Variants in ACOX3 observed in about 807,000 individuals in gnomAD.
The protein encoded by ACOX3 is peroxisomal acyl-coenzyme A oxidase 3.
A neutral mutation model predicts 81.5 loss-of-function variants in ACOX3; 73 were observed. The ratio of observed to expected loss-of-function variants is 0.90; its 90% CI spans 0.74 to 1.09. The LOEUF is 1.09. ACOX3 is among the 50% of genes least tolerant of loss of function. ACOX3 has a pLI of 0.00. For missense variants in ACOX3, 947 were observed against 928.0 expected, an observed-to-expected ratio of 1.02 and a Z score of -0.27; for synonymous variants, 387 against 375.1, an observed-to-expected ratio of 1.03 and a Z score of -0.37.
intron 13 of ACOX3, among the ~76,000 whole-genome samples, chr4:8,388,416 G>A (rs1199906712): frequency 6.6e-6 from 1 of 152,252 alleles, no homozygotes; most frequent in African/African-American, 2.4e-5. Flanking sequence ...ATTAACCCAG[G>A]AACGCGAGAG....
intron 1 of ACOX3, among the ~76,000 whole-genome samples, chr4:8,422,240 GAGAA>G (rs1396886881): frequency 3.3e-5 from 5 of 152,080 alleles, no homozygotes; most frequent in Admixed American, 1.3e-4. Flanking sequence ...CAGTCAAAGA[GAGAA>G]AGAAAGAGAG....
At chr4:8,361,520 T>C (rs1348679991), downstream of ACOX3, among the ~76,000 whole-genome samples, 2 of 151,540 alleles carry the variant, frequency 1.3e-5, no homozygotes, top group African/African-American at 4.9e-5. Flanking sequence ...TTGTTATAAG[T>C]TAATCTTGTA....
At chr4:8,380,652 ATGTG>A (rs1717522616) in intron 14 of ACOX3, among the ~76,000 whole-genome samples, 1 of 152,150 alleles carries the variant, frequency 6.6e-6, no homozygotes, top group East Asian at 1.9e-4. Flanking sequence ...AGACAGGCAG[ATGTG>A]GACCTGGGTC....
rs867499227 is a variant in ACOX3, at chr4:8,400,505, A to T, written c.777-853T>A. 2.6e-5 allele frequency among the ~76,000 whole-genome samples: 4 copies of T among 152,150 alleles called. No individual in the cohort carries two copies. The highest frequency in any genetic ancestry group is 5.9e-5 in the Non-Finnish European group (4 of 68,030). ...GCATTGGTGCTCCCTCGGCAAGGAA[A>T]TTCACTTCTTTTGAACAGCTGAGCA... is the stretch of plus-strand genomic sequence containing the variant. On this transcript the variant is annotated intron_variant, in intron 7 of 17. Coordinates refer to ENST00000356406, the MANE Select transcript of ACOX3 (RefSeq NM_003501.3). This position sits in a 1 kb window ranked among gnomAD's most constrained non-coding sequence, Gnocchi z 4.4.
At chr4:8,373,008 A>G (rs1254228879) in intron 16 of ACOX3, among the ~76,000 whole-genome samples, 3 of 152,122 alleles carry the variant, frequency 2.0e-5, no homozygotes, top group African/African-American at 7.2e-5. Context: ...CTGTCCCCGG[A>G]TGGAAGAGAG....
intron 11 of ACOX3, among the ~76,000 whole-genome samples, chr4:8,391,019 ATGTATATGTATG>A (rs1283249426): frequency 5.6e-5 from 7 of 124,286 alleles, no homozygotes; most frequent in East Asian, 4.8e-4. Flanking sequence ...GTATGTGTAT[ATGTATATGTATG>A]TGTATATGTA....
chr4:8,396,193 C>T (rs1000660788), intron 9 of ACOX3, among the ~76,000 whole-genome samples: 2 of 152,192 alleles, frequency 1.3e-5, no homozygotes, highest in African/African-American at 4.8e-5. Flanking sequence ...TAAATGCCAT[C>T]ACAGTGAACA....
chr4:8,378,678 C>A (rs1287790210), intron 14 of ACOX3, among the ~76,000 whole-genome samples: 23 of 152,200 alleles, frequency 1.5e-4, no homozygotes, highest in Admixed American at 1.5e-3. Flanking sequence ...TATCTACTGG[C>A]TGTTGAACAT....
chr4:8,397,614 C>A (rs1326122895), intron 8 of ACOX3, among the ~76,000 whole-genome samples: 1 of 152,238 alleles, frequency 6.6e-6, no homozygotes, highest in Non-Finnish European at 1.5e-5. Flanking sequence ...CTGGAATCTT[C>A]CGTCCACTAT....
Position 8,381,032 on chromosome 4 carries a change from G to T in ACOX3, c.1653+460C>A, listed in dbSNP as rs1256065894. 3.9e-5 allele frequency among the ~76,000 whole-genome samples: 6 copies of T among 152,168 alleles called. No individual in the cohort carries two copies. Among genetic ancestry groups the T allele is most frequent in the African/African-American group, 1.4e-4 (6 of 41,430 alleles). ...GAGAGACAGCCCTGTCCAAGTGTGA[G>T]AACCAAAGCGCTTTCCAAGGCCAAC... is the stretch of plus-strand genomic sequence containing the variant. On this transcript the variant is annotated intron_variant, in intron 14 of 17. Coordinates refer to ENST00000356406, the MANE Select transcript of ACOX3 (RefSeq NM_003501.3). This position sits in a 1 kb window ranked among gnomAD's most constrained non-coding sequence, Gnocchi z 4.3.
Position 8,414,220 on chromosome 4 carries a change from G to C in ACOX3, c.543+72C>G. 2 of 1,281,686 alleles carry C rather than the reference G, an allele frequency of 1.6e-6. No homozygotes were observed. Among genetic ancestry groups the C allele is most frequent in the Non-Finnish European group, 2.3e-6 (2 of 888,308 alleles). 79.4% of individuals were successfully genotyped at this position (1,281,686 alleles called of 1,614,324 possible). A position where few individuals can be genotyped will look rare whatever the true frequency, so the allele number is the denominator to read the frequency against. ...TTTAATGTTTTTTTTTTCTTATTCTGGGCAACGGCATTTGCACTCATGACG... is the reference window on the plus strand; with the variant it reads ...TTTAATGTTTTTTTTTTCTTATTCTCGGCAACGGCATTTGCACTCATGACG... On this transcript the variant is annotated intron_variant, in intron 5 of 17. Coordinates refer to ENST00000356406, the MANE Select transcript of ACOX3 (RefSeq NM_003501.3). This position sits in a 1 kb window ranked among gnomAD's most constrained non-coding sequence, Gnocchi z 6.1.
chr4:8,397,990 G>A (rs190956482), intron 8 of ACOX3, among the ~76,000 whole-genome samples: 7 of 152,284 alleles, frequency 4.6e-5, no homozygotes, highest in South Asian at 2.1e-4. Context: ...GTGAAACACC[G>A]TCTCTACTAA....
chr4:8,408,582 A>G (rs1193454125), intron 6 of ACOX3, among the ~76,000 whole-genome samples: 4 of 152,216 alleles, frequency 2.6e-5, no homozygotes, highest in Non-Finnish European at 5.9e-5. Flanking sequence ...CAACTCCCGC[A>G]AGAAGTCCAC....
chr4:8,428,738 G>A (rs757182780), intron 1 of ACOX3, among the ~76,000 whole-genome samples: 1 of 152,226 alleles, frequency 6.6e-6, no homozygotes, highest in Non-Finnish European at 1.5e-5. Flanking sequence ...CCCACTCCAA[G>A]GCTACTGGAT....
At chr4:8,390,837 CA>C (rs1718903256) in intron 11 of ACOX3, among the ~76,000 whole-genome samples, 2 of 152,266 alleles carry the variant, frequency 1.3e-5, no homozygotes. Flanking sequence ...TCACCTAGAA[CA>C]CCTGATTTTC....
At chr4:8,365,715 C>T (rs1715370510), downstream of ACOX3, among the ~76,000 whole-genome samples, 1 of 151,982 alleles carries the variant, frequency 6.6e-6, no homozygotes, top group Non-Finnish European at 1.5e-5. Flanking sequence ...AATTACCCCT[C>T]AGATGCCCCT....
chr4:8,389,730 G>A lies in ACOX3; in HGVS notation c.1305C>T (p.Asn435=). ...TGTCATCTCTAAGGACACCCAACCGGTTCACTGCAACAAAGCCACAATAGT... is the reference window on the plus strand; with the variant it reads ...TGTCATCTCTAAGGACACCCAACCGATTCACTGCAACAAAGCCACAATAGT... ...ACGGHGYLAM[N]RLGVLRDDND... is the part of the protein sequence containing the mutation. Residue 435 remains asparagine, a synonymous_variant, in exon 12 of 18, where the codon AAC becomes AAT. Transcript: ENST00000356406. The surrounding 1 kb of genome is among the most constrained non-coding windows in gnomAD (Gnocchi z 5.3). 1.9e-6 allele frequency: 3 copies of A among 1,613,816 alleles called. No individual in the cohort carries two copies. The highest frequency in any genetic ancestry group is 2.5e-6 in the Non-Finnish European group (3 of 1,179,920).
chr4:8,424,550 T>A (rs998831395), intron 1 of ACOX3, among the ~76,000 whole-genome samples: 11 of 152,224 alleles, frequency 7.2e-5, no homozygotes, highest in Non-Finnish European at 1.0e-4. Flanking sequence ...GTTAAAATGA[T>A]ACAGGGAAGA....
chr4:8,367,202 G>A lies in ACOX3; in HGVS notation c.1984-122C>T. ...TGTTAAAAACACAGGAAATTCGGCTGGGCACAGTGGCTCACGCCCGTAATC... is the reference window on the plus strand; with the variant it reads ...TGTTAAAAACACAGGAAATTCGGCTAGGCACAGTGGCTCACGCCCGTAATC... On this transcript the variant is annotated intron_variant, in intron 17 of 17. Transcript: ENST00000356406. The A allele has an allele frequency of 2.2e-6, 3 of 1,335,040 alleles. No individual in the cohort carries two copies. The South Asian group carries it at 4.2e-5, about 19-fold the overall frequency. The allele number at this position is 1,335,040 out of a possible 1,614,324, so 82.7% of individuals were successfully genotyped here.
Sources: allele counts gnomAD v4.1 joint callset (sites outside exome capture counted in the v4.1 genomes callset), GRCh38; gene constraint gnomAD v4.1.1; non-coding constraint Gnocchi (gnomAD v3.1); transcripts MANE v1.5; gene names NCBI Gene and HGNC (gene_info 2026-07-23, HGNC 2026-07-21).